HYDIN: variants seen among roughly 807,000 people sequenced by gnomAD.
HYDIN encodes the protein axonemal central pair apparatus protein HYDIN.
HYDIN carries 132 observed loss-of-function variants against 403.9 expected under a neutral mutation model. The observed-to-expected ratio is 0.33, with a 90% CI of 0.28 to 0.38. HYDIN has a LOEUF of 0.38. Ranked by LOEUF, HYDIN falls within the 10% of genes least tolerant of loss-of-function variation. The pLI, the probability that HYDIN is intolerant of heterozygous loss-of-function variation, is 1.00. For missense variants in HYDIN, 2,827 were observed against 5,009.5 expected, an observed-to-expected ratio of 0.56 and a Z score of 13.15; for synonymous variants, 1,202 against 1,891.7, an observed-to-expected ratio of 0.64 and a Z score of 9.46.
chr16:71,227,449 A>G (rs961614901), intron 1 of HYDIN, among the ~76,000 whole-genome samples: 7 of 152,188 alleles, frequency 4.6e-5, no homozygotes, highest in Admixed American at 1.3e-4. Context: ...TTAAGCTGAT[A>G]AGCAACTTCA....
At chr16:71,062,030 C>G (rs1023922596) in intron 17 of HYDIN, 139 bp downstream of exon 17, 1 of 658,302 alleles carries the variant, frequency 1.5e-6, no homozygotes, top group African/African-American at 1.8e-5. Flanking sequence ...TTTACCATTG[C>G]AGAGTAAAAA....
chr16:70,810,562 T>TG (rs1222079205), intron 84 of HYDIN, among the ~76,000 whole-genome samples: 2 of 152,208 alleles, frequency 1.3e-5, no homozygotes, highest in African/African-American at 4.8e-5. Context: ...CCTGGTGCGG[T>TG]GGCTCATGCC....
chr16:71,171,122 C>A (rs2031941719), intron 5 of HYDIN, among the ~76,000 whole-genome samples: 1 of 152,210 alleles, frequency 6.6e-6, no homozygotes, highest in Non-Finnish European at 1.5e-5. Context: ...CTGCTCCAGC[C>A]CCACTGGCCT....
chr16:71,045,405 C>T (rs1241410677), intron 18 of HYDIN, among the ~76,000 whole-genome samples: 1 of 152,126 alleles, frequency 6.6e-6, no homozygotes, highest in Non-Finnish European at 1.5e-5. Flanking sequence ...TGTTCTACTG[C>T]TTGATTTCTC....
rs2082612755 is a variant in HYDIN at position 71,075,861 on chromosome 16, G to A, written c.1738+4024C>T. 3.5e-5 allele frequency: 8 copies of A among 226,374 alleles called. 1 individual carries two copies. In the South Asian group the frequency reaches 4.0e-4, roughly 11 times the overall value. 14.0% of individuals were successfully genotyped at this position (226,374 alleles called of 1,614,324 possible). ...GGGACTTCTGCCTGGCTTTCTTGTT[G>A]GGAGTCTCAGAGCAGACCACTTCAC... On this transcript the variant is annotated intron_variant, in intron 13 of 85. Transcript: ENST00000393567.
chr16:70,949,785 T>G (rs1413099110), intron 41 of HYDIN, among the ~76,000 whole-genome samples: 4 of 152,266 alleles, frequency 2.6e-5, no homozygotes, highest in Non-Finnish European at 5.9e-5. Context: ...AGCTCTGATT[T>G]CTACTGTGAT....
chr16:71,057,227 TA>T (rs1165270128), intron 18 of HYDIN, among the ~76,000 whole-genome samples: 1 of 138,508 alleles, frequency 7.2e-6, no homozygotes, highest in Non-Finnish European at 1.5e-5. Flanking sequence ...ATGTCTTTTC[TA>T]TAGGATTTTT....
chr16:71,168,531 T>C (rs1256556792), intron 5 of HYDIN, among the ~76,000 whole-genome samples: 3 of 150,594 alleles, frequency 2.0e-5, no homozygotes, highest in Non-Finnish European at 3.0e-5. Context: ...TTATTTATCT[T>C]ATACAAAGAA....
At chr16:71,004,517 G>A (rs947892052) in intron 23 of HYDIN, among the ~76,000 whole-genome samples, 52 of 152,100 alleles carry the variant, frequency 3.4e-4, no homozygotes, top group African/African-American at 1.2e-3. Context: ...ATAGTAAATT[G>A]AATCACTGGA....
chr16:70,893,012 G>A (rs2041566121), intron 55 of HYDIN, among the ~76,000 whole-genome samples: 1 of 152,144 alleles, frequency 6.6e-6, no homozygotes, highest in African/African-American at 2.4e-5. Context: ...GGAAGAAGCT[G>A]GCTCATGAGA....
chr16:70,916,483 ACAG>A (rs1567823444), intron 47 of HYDIN, among the ~76,000 whole-genome samples: 1 of 151,900 alleles, frequency 6.6e-6, no homozygotes, highest in Non-Finnish European at 1.5e-5. Context: ...TTGGGCACTC[ACAG>A]TATTTGGGGT....
At chr16:71,210,250 G>A (rs2144729463) in intron 1 of HYDIN, among the ~76,000 whole-genome samples, 1 of 152,170 alleles carries the variant, frequency 6.6e-6, no homozygotes, top group East Asian at 1.9e-4. Context: ...CAAAGACATG[G>A]ATCAACCTAA....
intron 21 of HYDIN, among the ~76,000 whole-genome samples, chr16:71,023,908 G>A (rs2080588891): frequency 6.6e-6 from 1 of 152,084 alleles, no homozygotes; most frequent in Non-Finnish European, 1.5e-5. Context: ...AGGAACCCCA[G>A]TTGATACCTC....
At chr16:71,215,801 C>A (rs1261850641) in intron 1 of HYDIN, among the ~76,000 whole-genome samples, 1 of 149,142 alleles carries the variant, frequency 6.7e-6, no homozygotes, top group East Asian at 2.0e-4. Flanking sequence ...AACAGACAAT[C>A]CAATAGGGGA....
At chr16:71,193,414 GAA>G (rs2087534388) in intron 1 of HYDIN, among the ~76,000 whole-genome samples, 1 of 152,064 alleles carries the variant, frequency 6.6e-6, no homozygotes, top group African/African-American at 2.4e-5. Flanking sequence ...ATATTAAAAA[GAA>G]AAGTTAGACA....
intron 6 of HYDIN, among the ~76,000 whole-genome samples, chr16:71,162,010 T>C (rs4788533): frequency 0.11 from 4,876 of 42,720 alleles, 728 homozygotes; most frequent in African/African-American, 0.3. Context: ...GGAATGTGGG[T>C]GGCCCCTAGA....
intron 44 of HYDIN, among the ~76,000 whole-genome samples, chr16:70,936,614 A>G (rs2077500448): frequency 6.7e-6 from 1 of 150,140 alleles, no homozygotes; most frequent in Non-Finnish European, 1.5e-5. Flanking sequence ...GCTCACTGCA[A>G]CCTCCACCTC....
At chr16:71,100,287 T>G (rs534298574) in intron 10 of HYDIN, among the ~76,000 whole-genome samples, 11 of 152,334 alleles carry the variant, frequency 7.2e-5, no homozygotes, top group African/African-American at 2.4e-4. Flanking sequence ...AAAAGGAAGA[T>G]TCAATGTCAT....
chr16:70,937,712 G>A (rs1225066486), intron 44 of HYDIN, among the ~76,000 whole-genome samples: 2 of 147,872 alleles, frequency 1.4e-5, no homozygotes, highest in East Asian at 3.9e-4. Context: ...TGTAGCAGCA[G>A]GGAGGGCAAA....
Sources: allele counts gnomAD v4.1 joint callset (sites outside exome capture counted in the v4.1 genomes callset), GRCh38; gene constraint gnomAD v4.1.1; transcripts MANE v1.5; gene names NCBI Gene and HGNC (gene_info 2026-07-23, HGNC 2026-07-21).